Variants in OPCML observed in about 807,000 individuals in gnomAD.
OPCML encodes the protein opioid-binding protein/cell adhesion molecule.
In OPCML, 13 loss-of-function variants were observed where a neutral mutation model predicts 37.8. The observed-to-expected ratio is 0.34, with a 90% CI of 0.22 to 0.55. The LOEUF is 0.55. Ranked by LOEUF, OPCML falls within the 20% of genes least tolerant of loss-of-function variation. OPCML has a pLI of 0.91. For synonymous variants in OPCML, 176 were observed against 168.8 expected, an observed-to-expected ratio of 1.04 and a Z score of -0.33; for missense variants, 341 against 435.6, an observed-to-expected ratio of 0.78 and a Z score of 1.93.
chr11:133,267,284 G>T (rs1941690069), intron 1 of OPCML, among the ~76,000 whole-genome samples: 1 of 152,238 alleles, frequency 6.6e-6, no homozygotes, highest in East Asian at 1.9e-4. Flanking sequence ...TTATATTACA[G>T]ACTTGAGCCT....
intron 1 of OPCML, among the ~76,000 whole-genome samples, chr11:133,086,323 AT>A (rs776666531): frequency 6.6e-6 from 1 of 151,110 alleles, no homozygotes; most frequent in African/African-American, 2.4e-5. Flanking sequence ...ATGTGATGTG[AT>A]TTTTTTTTCA....
intron 2 of OPCML, among the ~76,000 whole-genome samples, chr11:132,764,945 A>G (rs1946385175): frequency 6.6e-6 from 1 of 152,250 alleles, no homozygotes; most frequent in Non-Finnish European, 1.5e-5. Flanking sequence ...GCTCAGGCAG[A>G]GCCTCACGCC....
chr11:132,738,180 G>C (rs749195286), intron 2 of OPCML, among the ~76,000 whole-genome samples: 3 of 152,150 alleles, frequency 2.0e-5, no homozygotes, highest in Non-Finnish European at 4.4e-5. Context: ...GAAGCTAAGC[G>C]CCTTACCTGT....
At chr11:133,516,294 G>T (rs775032708) in intron 1 of OPCML, among the ~76,000 whole-genome samples, 1 of 152,174 alleles carries the variant, frequency 6.6e-6, no homozygotes, top group Non-Finnish European at 1.5e-5. Flanking sequence ...TCTCCACTGC[G>T]TTCTGTTATG....
intron 2 of OPCML, among the ~76,000 whole-genome samples, chr11:132,751,336 C>T (rs560012339): frequency 3.3e-5 from 5 of 152,272 alleles, no homozygotes; most frequent in Admixed American, 3.3e-4. Context: ...TCTCTCTAAA[C>T]ACTGCCACCA....
Position 132,700,680 on chromosome 11 carries a change from A to G in OPCML, c.147-43361T>C, listed in dbSNP as rs568969288. Among the ~76,000 whole-genome samples, 3 of 152,242 alleles carry G rather than the reference A, an allele frequency of 2.0e-5. No individual in the cohort carries two copies. In the South Asian group the frequency reaches 6.2e-4, roughly 32 times the overall value. The stretch of plus-strand genomic sequence containing the variant: ...GAATTTTAAACTTCTTAAATTTGTT[A>G]AGACTTATTTTGTGGTTGAACATAT... On this transcript the variant is annotated intron_variant, in intron 2 of 7. Coordinates refer to ENST00000524381, the MANE Select transcript of OPCML (RefSeq NM_001012393.5).
At chr11:133,399,269 C>T (rs574956190) in intron 1 of OPCML, among the ~76,000 whole-genome samples, 17 of 152,212 alleles carry the variant, frequency 1.1e-4, no homozygotes, top group South Asian at 4.1e-4. Context: ...CTATTGATGA[C>T]GCGTGGTGGC....
intron 2 of OPCML, among the ~76,000 whole-genome samples, chr11:132,729,053 T>A (rs542252366): frequency 6.6e-6 from 1 of 152,240 alleles, no homozygotes; most frequent in African/African-American, 2.4e-5. Context: ...ACAAGTTCAA[T>A]GTGAAAGAAA....
chr11:133,353,154 C>A (rs930148310), intron 1 of OPCML, among the ~76,000 whole-genome samples: 2 of 152,016 alleles, frequency 1.3e-5, no homozygotes, highest in Admixed American at 1.3e-4. Context: ...CCCTGTAAGC[C>A]CCTATTTTGT....
At chr11:133,082,608 T>TTCCCCTCCTCATCC (rs1565438090) in intron 1 of OPCML, among the ~76,000 whole-genome samples, 2 of 26,860 alleles carry the variant, frequency 7.4e-5, no homozygotes, top group Non-Finnish European at 1.4e-4. Flanking sequence ...CCCATCCCCC[T>TTCCCCTCCTCATCC]TTCCCCTCTT....
chr11:132,717,265 TC>T (rs1454521317), intron 2 of OPCML, among the ~76,000 whole-genome samples: 1 of 152,152 alleles, frequency 6.6e-6, no homozygotes, highest in Non-Finnish European at 1.5e-5. Context: ...AAATTAATGC[TC>T]AGAGATAATA....
intron 1 of OPCML, among the ~76,000 whole-genome samples, chr11:133,416,131 T>C (rs2136881015): frequency 6.6e-6 from 1 of 152,296 alleles, no homozygotes; most frequent in South Asian, 2.1e-4. Context: ...TATTTTGCTA[T>C]AGCAGCAACA....
intron 4 of OPCML, among the ~76,000 whole-genome samples, chr11:132,441,502 C>T (rs894237573): frequency 6.6e-6 from 1 of 152,146 alleles, no homozygotes; most frequent in Non-Finnish European, 1.5e-5. Context: ...TGTAAGACTG[C>T]AATATTTTCC....
intron 1 of OPCML, among the ~76,000 whole-genome samples, chr11:133,091,813 A>G (rs1328696511): frequency 1.3e-5 from 2 of 152,196 alleles, no homozygotes; most frequent in African/African-American, 4.8e-5. Context: ...TTTAAACGAT[A>G]TTTAGATGAG....
chr11:132,762,288 G>A (rs890858916), intron 2 of OPCML, among the ~76,000 whole-genome samples: 1 of 152,224 alleles, frequency 6.6e-6, no homozygotes, highest in African/African-American at 2.4e-5. Flanking sequence ...AGGCATGGGG[G>A]TCAGGGACCC....
intron 1 of OPCML, among the ~76,000 whole-genome samples, chr11:133,014,977 C>T (rs1232608343): frequency 3.3e-5 from 5 of 152,136 alleles, no homozygotes; most frequent in Admixed American, 6.5e-5. Flanking sequence ...AATGGAATAA[C>T]GTCCAGCAAT....
chr11:132,865,372 C>T (rs1325958280), intron 2 of OPCML, among the ~76,000 whole-genome samples: 1 of 152,122 alleles, frequency 6.6e-6, no homozygotes, highest in Non-Finnish European at 1.5e-5. Flanking sequence ...GCTTAGGAGG[C>T]ATTTTTGCAA....
At chr11:133,332,154 A>T (rs1943633698) in intron 1 of OPCML, among the ~76,000 whole-genome samples, 1 of 152,070 alleles carries the variant, frequency 6.6e-6, no homozygotes, top group Non-Finnish European at 1.5e-5. Flanking sequence ...CTCCCTAGTT[A>T]GCCATATTTC....
chr11:133,029,762 C>T (rs373885916), intron 1 of OPCML, among the ~76,000 whole-genome samples: 12 of 152,036 alleles, frequency 7.9e-5, no homozygotes, highest in African/African-American at 7.3e-5. Flanking sequence ...TCAGGTACTA[C>T]GCTGCTACTC....
Sources: allele counts gnomAD v4.1 joint callset (sites outside exome capture counted in the v4.1 genomes callset), GRCh38; gene constraint gnomAD v4.1.1; transcripts MANE v1.5; gene names NCBI Gene and HGNC (gene_info 2026-07-23, HGNC 2026-07-21).